Variants in APBA2 observed in about 807,000 individuals in gnomAD.
The protein encoded by APBA2 is amyloid-beta A4 precursor protein-binding family A member 2.
A neutral mutation model predicts 75.0 loss-of-function variants in APBA2; 30 were observed. The observed-to-expected ratio is 0.40, with a 90% CI of 0.30 to 0.54. The LOEUF (loss-of-function observed/expected upper bound fraction) is 0.54, where lower values mean the gene tolerates loss of function less well. APBA2 is among the 20% of genes least tolerant of loss of function. The pLI, the probability that APBA2 is intolerant of heterozygous loss-of-function variation, is 0.49. For synonymous variants in APBA2, 444 were observed against 409.6 expected (o/e 1.08, Z -1.01); for missense variants, 801 against 1,016.1 (o/e 0.79, Z 2.88).
intron 1 of APBA2, among the ~76,000 whole-genome samples, chr15:28,909,012 T>C (rs1306244069): frequency 7.0e-6 from 1 of 142,962 alleles, no homozygotes; most frequent in Non-Finnish European, 1.5e-5. Flanking sequence ...TTTGAGACAC[T>C]GTCTTGCTCT....
intron 4 of APBA2, among the ~76,000 whole-genome samples, chr15:29,068,055 A>G (rs1243376125): frequency 6.6e-6 from 1 of 152,226 alleles, no homozygotes; most frequent in African/African-American, 2.4e-5. Context: ...CTTGGGCACC[A>G]TCGTTACATT....
intron 1 of APBA2, chr15:28,895,442 G>T (rs902139779): frequency 2.6e-5 from 4 of 152,406 alleles, no homozygotes; most frequent in African/African-American, 9.6e-5. Context: ...GGGTACTCTG[G>T]GGAGACATTC....
At chr15:29,067,257 T>C (rs1163545498) in intron 4 of APBA2, among the ~76,000 whole-genome samples, 1 of 152,108 alleles carries the variant, frequency 6.6e-6, no homozygotes, top group African/African-American at 2.4e-5. Context: ...GGGACAAATA[T>C]CCAAACTATA....
chr15:29,106,684 G>A lies in APBA2; in HGVS notation c.1782G>A (p.Thr594=), dbSNP rs375771891. ...CGGGCTGGGGCTCCATCCTGCCCAC[G>A]GTGATCCTGGCCAACATGATGAATG... The part of the protein sequence containing the change: ...VESGWGSILP[T]VILANMMNGG... The change falls in exon 12 of 15, where the codon ACG becomes ACA. Residue 594 remains threonine, a synonymous_variant. Coordinates refer to ENST00000683413, the MANE Select transcript of APBA2 (RefSeq NM_001353788.2). 7.1e-5 allele frequency: 115 copies of A among 1,613,054 alleles called. No individual in the cohort carries two copies. Among genetic ancestry groups the A allele is most frequent in the Admixed American group, 1.8e-4 (11 of 60,020 alleles).
At chr15:29,093,321 G>A in intron 7 of APBA2, 101 bp downstream of exon 7, 3 of 1,503,192 alleles carry the variant, frequency 2.0e-6, no homozygotes, top group Non-Finnish European at 1.8e-6. Flanking sequence ...AGCTCGGACT[G>A]CACAGCCCTC....
intron 3 of APBA2, among the ~76,000 whole-genome samples, chr15:29,049,811 C>G (rs2041510611): frequency 6.6e-6 from 1 of 151,978 alleles, no homozygotes; most frequent in Non-Finnish European, 1.5e-5. Context: ...TTTGGAAGGT[C>G]AAATGGAGGA....
chr15:28,902,153 C>G (rs1241541198), intron 1 of APBA2, among the ~76,000 whole-genome samples: 1 of 152,014 alleles, frequency 6.6e-6, no homozygotes, highest in Admixed American at 6.6e-5. Context: ...GAGCCCAGTG[C>G]AGAAAGGGGA....
Position 29,051,415 on chromosome 15 carries a change from C to T in APBA2, c.-40-2430C>T, listed in dbSNP as rs138610471. On this transcript the variant is annotated intron_variant, in intron 3 of 14. Transcript: ENST00000683413. ...ACTCTAGGGGGAGTGCTGTGAATTG[C>T]TCCGCATACCAGTGATGCTCCTGAA... is the stretch of plus-strand genomic sequence containing the variant. 3.4e-3 allele frequency among the ~76,000 whole-genome samples: 524 copies of T among 152,238 alleles called. 4 individuals carry two copies. Among genetic ancestry groups the T allele is most frequent in the African/African-American group, 0.012 (510 of 41,532 alleles).
chr15:29,116,148 G>A (rs1015289949), intron 14 of APBA2, among the ~76,000 whole-genome samples: 6 of 152,166 alleles, frequency 3.9e-5, no homozygotes, highest in African/African-American at 1.4e-4. Context: ...CACACGGTTG[G>A]TCTCCCTGGG....
At chr15:28,935,301 A>G (rs1409955127) in intron 2 of APBA2, among the ~76,000 whole-genome samples, 1 of 152,156 alleles carries the variant, frequency 6.6e-6, no homozygotes, top group East Asian at 1.9e-4. Context: ...AGCACTTCGC[A>G]TGGGTTTGGA....
At chr15:29,023,596 C>T (rs1423918450) in intron 3 of APBA2, among the ~76,000 whole-genome samples, 4 of 151,336 alleles carry the variant, frequency 2.6e-5, no homozygotes, top group African/African-American at 7.3e-5. Context: ...ACTGTGAATA[C>T]AGGCGTCCGC....
chr15:29,048,609 A>G (rs1253059416), intron 3 of APBA2, among the ~76,000 whole-genome samples: 1 of 152,124 alleles, frequency 6.6e-6, no homozygotes, highest in African/African-American at 2.4e-5. Flanking sequence ...TAGACTAGAA[A>G]GTCCAGGGAC....
chr15:28,943,604 C>T (rs769152162), intron 2 of APBA2, among the ~76,000 whole-genome samples: 2 of 152,202 alleles, frequency 1.3e-5, no homozygotes, highest in East Asian at 1.9e-4. Context: ...TCAGCCATCC[C>T]GAGCGTGACC....
intron 14 of APBA2, among the ~76,000 whole-genome samples, chr15:29,116,604 G>A (rs1452580598): frequency 6.6e-6 from 1 of 151,064 alleles, no homozygotes; most frequent in Non-Finnish European, 1.5e-5. Context: ...CTCCAGCCTG[G>A]GCGACAGAGC....
intron 2 of APBA2, among the ~76,000 whole-genome samples, chr15:28,984,073 A>C (rs1464963782): frequency 1.3e-5 from 2 of 152,154 alleles, no homozygotes; most frequent in African/African-American, 4.8e-5. Context: ...TCGGTTGATC[A>C]GTTACACTGC....
At chr15:29,063,284 G>A (rs1383564014) in intron 4 of APBA2, among the ~76,000 whole-genome samples, 3 of 134,028 alleles carry the variant, frequency 2.2e-5, no homozygotes, top group Admixed American at 7.4e-5. Flanking sequence ...GTGGGGAGGG[G>A]AGTTGATCTG....
intron 6 of APBA2, among the ~76,000 whole-genome samples, chr15:29,085,181 A>G (rs1278433201): frequency 1.3e-5 from 2 of 152,208 alleles, no homozygotes; most frequent in African/African-American, 4.8e-5. Flanking sequence ...TTGTTCATAT[A>G]AGAAAAGCAG....
intron 1 of APBA2, among the ~76,000 whole-genome samples, chr15:28,907,864 C>T (rs1351175657): frequency 6.6e-6 from 1 of 152,198 alleles, no homozygotes; most frequent in Non-Finnish European, 1.5e-5. Context: ...GGTGTATTTT[C>T]TATTTGAACC....
At chr15:29,079,703 C>CAG (rs1383864534) in intron 6 of APBA2, among the ~76,000 whole-genome samples, 1 of 152,170 alleles carries the variant, frequency 6.6e-6, no homozygotes. Flanking sequence ...AAGGGAGGAG[C>CAG]AGCTCCTCCA....
Sources: gnomAD v4.1 joint callset for allele counts (sites outside exome capture counted in the v4.1 genomes callset) on GRCh38, gnomAD v4.1.1 for gene constraint, MANE v1.5 for transcripts, NCBI Gene and HGNC (gene_info 2026-07-23, HGNC 2026-07-21) for gene names.